DCPS: variants seen among roughly 807,000 people sequenced by gnomAD.
DCPS encodes the protein decapping enzyme, scavenger, also known as m7GpppX diphosphatase.
DCPS carries 27 observed loss-of-function variants against 34.7 expected under a neutral mutation model. That is an observed-to-expected ratio of 0.78 (90% CI 0.57 to 1.07). DCPS has a LOEUF of 1.07. Among genes scored for constraint, DCPS ranks in the 50% least tolerant of loss-of-function variants. The pLI, the probability that DCPS is intolerant of heterozygous loss-of-function variation, is 0.00. For missense variants in DCPS, 464 were observed against 436.9 expected (o/e 1.06, Z -0.55); for synonymous variants, 185 against 185.7 (o/e 1.00, Z 0.03).
chr11:126,317,688 G>T (rs967454404), intron 2 of DCPS, among the ~76,000 whole-genome samples: 1 of 152,230 alleles, frequency 6.6e-6, no homozygotes, highest in African/African-American at 2.4e-5. Context: ...CTTCAGGCAG[G>T]AAGTTGAGAG....
Position 126,345,764 on chromosome 11 carries a change from C to T in DCPS, c.*151C>T, listed in dbSNP as rs1179657412. ...TAGCGGGCTCACTCAGTGTGGACAGCGTGGCCTGGGAGGCAGACAGATGGT... is the reference window on the plus strand; with the variant it reads ...TAGCGGGCTCACTCAGTGTGGACAGTGTGGCCTGGGAGGCAGACAGATGGT... On this transcript the variant is annotated 3_prime_UTR_variant, in exon 6 of 6. Coordinates refer to ENST00000263579, the MANE Select transcript of DCPS (RefSeq NM_014026.6). The surrounding 1 kb of genome is among the most constrained non-coding windows in gnomAD (Gnocchi z 7.4). 3.7e-5 allele frequency: 45 copies of T among 1,225,306 alleles called. No individual in the cohort carries two copies. The highest frequency in any genetic ancestry group is 5.1e-5 in the East Asian group (2 of 39,312). The allele number at this position is 1,225,306 out of a possible 1,614,324, so 75.9% of individuals were successfully genotyped here. A position where few individuals can be genotyped will look rare whatever the true frequency, so the allele number is the denominator to read the frequency against.
chr11:126,309,553 G>A (rs953855388), intron 2 of DCPS, among the ~76,000 whole-genome samples: 1 of 152,098 alleles, frequency 6.6e-6, no homozygotes, highest in Non-Finnish European at 1.5e-5. Flanking sequence ...CAATACAGAC[G>A]CAATGTCCTT....
At chr11:126,307,867 A>G (rs1287407499) in intron 2 of DCPS, among the ~76,000 whole-genome samples, 3 of 152,252 alleles carry the variant, frequency 2.0e-5, no homozygotes, top group Non-Finnish European at 4.4e-5. Context: ...GAAAGGTTAA[A>G]TAACTTGTCC....
In DCPS at chr11:126,328,814, G is replaced by A. The variant is rs1951759709; in HGVS notation, c.377-2591G>A. On this transcript the variant is annotated intron_variant, in intron 2 of 5. Coordinates refer to ENST00000263579, the MANE Select transcript of DCPS (RefSeq NM_014026.6). This position sits in a 1 kb window ranked among gnomAD's most constrained non-coding sequence, Gnocchi z 6.6. ...GAATCCAAGCTAGCCTGGGGGGAGC[G>A]CTTTTCTCCATGTGAGGCACTTCCT... is the stretch of plus-strand genomic sequence containing the variant. Among the ~76,000 whole-genome samples, 1 of 152,200 alleles carries A rather than the reference G, an allele frequency of 6.6e-6. No individual in the cohort carries two copies. The highest frequency in any genetic ancestry group is 2.4e-5 in the African/African-American group (1 of 41,458).
rs746372756 is a variant in DCPS, at chr11:126,348,868, C to T, written c.*3255C>T. On this transcript the variant is annotated 3_prime_UTR_variant, in exon 6 of 6. Coordinates refer to ENST00000263579, the MANE Select transcript of DCPS (RefSeq NM_014026.6). The surrounding 1 kb of genome is among the most constrained non-coding windows in gnomAD (Gnocchi z 5.3). ...TTCATATAGCAGATCATTTCATGAC[C>T]CACATTCTCCTTCCTTTTTACGAAG... Among the ~76,000 whole-genome samples the T allele has an allele frequency of 2.6e-5, 4 of 152,162 alleles. No homozygotes were observed. Among genetic ancestry groups the T allele is most frequent in the Non-Finnish European group, 4.4e-5 (3 of 68,024 alleles).
chr11:126,326,458 G>A (rs955456976), intron 2 of DCPS, among the ~76,000 whole-genome samples: 2 of 152,256 alleles, frequency 1.3e-5, no homozygotes, highest in Non-Finnish European at 2.9e-5. Context: ...AATAATACCC[G>A]TTCATGTTGG....
rs987215467 is a variant in DCPS, at chr11:126,319,733, C to T, written c.377-11672C>T. Among the ~76,000 whole-genome samples, 1 of 152,142 alleles carries T rather than the reference C, an allele frequency of 6.6e-6. No individual in the cohort carries two copies. The highest frequency in any genetic ancestry group is 1.5e-5 in the Non-Finnish European group (1 of 68,032). On this transcript the variant is annotated intron_variant, in intron 2 of 5. Coordinates refer to ENST00000263579, the MANE Select transcript of DCPS (RefSeq NM_014026.6). The surrounding 1 kb of genome is among the most constrained non-coding windows in gnomAD (Gnocchi z 4.5). ...GGGCTGCTTTTGGAAAACATGGCCC[C>T]AGCACAGGTATCTTAGGAACGGCCC...
At position 126,343,375 on chromosome 11, in the gene DCPS, G is replaced by T; in HGVS notation, c.705G>T (p.Pro235=). The T allele has an allele frequency of 6.2e-7, 1 of 1,613,898 alleles. No homozygotes were observed. Among genetic ancestry groups the T allele is most frequent in the Non-Finnish European group, 8.5e-7 (1 of 1,179,946 alleles). Residue 235 remains proline (P), a synonymous_variant, in exon 5 of 6, where the codon CCG becomes CCT. Transcript: ENST00000263579. The part of the protein sequence containing the change: ...RGIRSLRDLT[P]EHLPLLRNIL... ...TCAGATCCCTACGCGACCTTACTCCGGAGCACTTGCCGCTGCTCAGGAACA... is the reference window on the plus strand; with the variant it reads ...TCAGATCCCTACGCGACCTTACTCCTGAGCACTTGCCGCTGCTCAGGAACA...
At chr11:126,309,427 G>A (rs1010464844) in intron 2 of DCPS, among the ~76,000 whole-genome samples, 1 of 152,062 alleles carries the variant, frequency 6.6e-6, no homozygotes, top group African/African-American at 2.4e-5. Flanking sequence ...ATAAAATGGT[G>A]TAGTATTTGC....
In DCPS at chr11:126,331,457, C is replaced by T. The variant is rs150547549; in HGVS notation, c.429C>T (p.Tyr143=). 35 of 1,614,032 alleles carry T rather than the reference C, an allele frequency of 2.2e-5. No individual in the cohort carries two copies. Among genetic ancestry groups the T allele is most frequent in the Non-Finnish European group, 2.7e-5 (32 of 1,180,024 alleles). ...YPATEKHLQK[Y]LRQDLRLIRE... ...CCACAGAGAAACACCTGCAGAAGTA[C>T]CTGCGCCAGGACCTCCGCCTGATCC... is the stretch of plus-strand genomic sequence containing the variant. The change falls in exon 3 of 6, where the codon TAC becomes TAT. Residue 143 remains tyrosine, a synonymous_variant. Coordinates refer to ENST00000263579, the MANE Select transcript of DCPS (RefSeq NM_014026.6). The surrounding 1 kb of genome is among the most constrained non-coding windows in gnomAD (Gnocchi z 7.2).
Position 126,345,445 on chromosome 11 carries a change from C to T in DCPS, c.846C>T (p.Ala282=). 2 of 1,614,220 alleles carry T rather than the reference C, an allele frequency of 1.2e-6. No homozygotes were observed. Among genetic ancestry groups the T allele is most frequent in the Non-Finnish European group, 1.7e-6 (2 of 1,180,036 alleles). The part of the protein sequence containing the change: ...SYYHLHVHFT[A]LGFEAPGSGV... ...ACCACCTGCATGTGCACTTCACCGCCCTGGGCTTCGAGGCCCCCGGCTCAG... is the reference window on the plus strand; with the variant it reads ...ACCACCTGCATGTGCACTTCACCGCTCTGGGCTTCGAGGCCCCCGGCTCAG... Residue 282 remains alanine (A), a synonymous_variant, in exon 6 of 6, where the codon GCC becomes GCT. Coordinates refer to ENST00000263579, the MANE Select transcript of DCPS (RefSeq NM_014026.6). This position sits in a 1 kb window ranked among gnomAD's most constrained non-coding sequence, Gnocchi z 7.4.
In DCPS at chr11:126,345,419, T is replaced by TGC. The variant is rs1348088019; in HGVS notation, c.820_821insGC (p.Tyr274CysfsTer29). 1 of 1,614,088 alleles carries TGC rather than the reference T, an allele frequency of 6.2e-7. No homozygotes were observed. The highest frequency in any genetic ancestry group is 1.3e-5 in the African/African-American group (1 of 74,952). ...ATACCTGCACTACCTGCCCTCCTAC[T>TGC]ACCACCTGCATGTGCACTTCACCGC... is the stretch of plus-strand genomic sequence containing the variant. On this transcript the variant is annotated frameshift_variant, in exon 6 of 6. Transcript: ENST00000263579. LOFTEE classifies it high-confidence loss of function. The surrounding 1 kb of genome is among the most constrained non-coding windows in gnomAD (Gnocchi z 7.4).
intron 2 of DCPS, among the ~76,000 whole-genome samples, chr11:126,330,201 A>AT (rs35692635): frequency 0.24 from 37,106 of 151,956 alleles, 4,553 homozygotes; most frequent in Admixed American, 0.26. Context: ...CAGGGGACAC[A>AT]TTGGCAATGT....
chr11:126,332,865 T>G lies in DCPS; in HGVS notation c.522+1315T>G, dbSNP rs1271158179. On this transcript the variant is annotated intron_variant, in intron 3 of 5. Coordinates refer to ENST00000263579, the MANE Select transcript of DCPS (RefSeq NM_014026.6). The surrounding 1 kb of genome is among the most constrained non-coding windows in gnomAD (Gnocchi z 5.4). ...ACTATATCTCCACCTTCTTAGAGTT[T>G]CTGCTGTTCAGGGTCCTAGGGAATC... is the stretch of plus-strand genomic sequence containing the variant. 4.6e-5 allele frequency among the ~76,000 whole-genome samples: 7 copies of G among 152,220 alleles called. No individual in the cohort carries two copies. Among genetic ancestry groups the G allele is most frequent in the African/African-American group, 2.4e-5 (1 of 41,460 alleles).
chr11:126,340,575 A>T (rs374474671), intron 4 of DCPS, among the ~76,000 whole-genome samples: 1 of 152,212 alleles, frequency 6.6e-6, no homozygotes, highest in East Asian at 1.9e-4. Context: ...CTCTCTTTGA[A>T]TTAGGCAATG....
rs889889703 is a variant in DCPS at position 126,328,961 on chromosome 11, C to T, written c.377-2444C>T. On this transcript the variant is annotated intron_variant, in intron 2 of 5. Transcript: ENST00000263579. The surrounding 1 kb of genome is among the most constrained non-coding windows in gnomAD (Gnocchi z 6.6). ...AGCCACAGACAGTGTCAGTCACTAGCCTGAGGTTACGCCACTAATAAGTGC... is the reference window on the plus strand; with the variant it reads ...AGCCACAGACAGTGTCAGTCACTAGTCTGAGGTTACGCCACTAATAAGTGC... Among the ~76,000 whole-genome samples, 2 of 152,202 alleles carry T rather than the reference C, an allele frequency of 1.3e-5. No homozygotes were observed. The highest frequency in any genetic ancestry group is 2.9e-5 in the Non-Finnish European group (2 of 68,034).
At position 126,306,580 on chromosome 11, in the gene DCPS, C is replaced by A; in HGVS notation, c.212C>A (p.Ala71Asp). 2 of 1,598,726 alleles carry A rather than the reference C, an allele frequency of 1.3e-6. No individual in the cohort carries two copies. Among genetic ancestry groups the A allele is most frequent in the Non-Finnish European group, 1.7e-6 (2 of 1,169,848 alleles). ...TGCCTCTGCCCACAGGTGAATGAGGCCTCTGGGGATGGGGATGGAGAGGAT... is the reference window on the plus strand; with the variant it reads ...TGCCTCTGCCCACAGGTGAATGAGGACTCTGGGGATGGGGATGGAGAGGAT... ...IIFLHGKVNE[A>D]SGDGDGEDAV... The change falls in exon 2 of 6, where the codon GCC (alanine) becomes GAC (aspartate). Residue 71 changes from alanine to aspartate, a missense_variant. Physicochemically the swap from Ala to Asp is moderately radical, Grantham distance 126 (BLOSUM62 -2). Transcript: ENST00000263579.
At position 126,322,700 on chromosome 11, in the gene DCPS, C is replaced by G. The variant is rs1951716930; in HGVS notation, c.377-8705C>G. On this transcript the variant is annotated intron_variant, in intron 2 of 5. Coordinates refer to ENST00000263579, the MANE Select transcript of DCPS (RefSeq NM_014026.6). The surrounding 1 kb of genome is among the most constrained non-coding windows in gnomAD (Gnocchi z 4.2). ...CTCCGCCTCCGAGGTTCAAGTGATT[C>G]TCCTGCCTCAGCTTCCTGAGTAGCT... 6.6e-6 allele frequency among the ~76,000 whole-genome samples: 1 copy of G among 151,714 alleles called. No homozygotes were observed. Among genetic ancestry groups the G allele is most frequent in the Non-Finnish European group, 1.5e-5 (1 of 68,014 alleles).
Position 126,345,600 on chromosome 11 carries a change from C to T in DCPS, c.1001C>T (p.Ala334Val), listed in dbSNP as rs1447340782. ...CCCCTGCTCAAGCTCTTGCAGGAGG[C>T]TCAGCAAAGCTGAATTAACTCAGGC... ...DDPLLKLLQE[A>V]QQS Residue 334 changes from alanine (A) to valine (V), a missense_variant, in exon 6 of 6, where the codon GCT (alanine) becomes GTT (valine). Physicochemically the swap from Ala to Val is moderately conservative, Grantham distance 64. Transcript: ENST00000263579. This position sits in a 1 kb window ranked among gnomAD's most constrained non-coding sequence, Gnocchi z 7.4. The T allele has an allele frequency of 6.2e-7, 1 of 1,612,792 alleles. No homozygotes were observed. The highest frequency in any genetic ancestry group is 1.7e-5 in the Admixed American group (1 of 60,022).
Sources: gnomAD v4.1 joint callset for allele counts (sites outside exome capture counted in the v4.1 genomes callset) on GRCh38, gnomAD v4.1.1 for gene constraint, Gnocchi (gnomAD v3.1) non-coding constraint, MANE v1.5 for transcripts, NCBI Gene and HGNC (gene_info 2026-07-23, HGNC 2026-07-21) for gene names.